The following SULT4A1 variants were observed in gnomAD, a reference collection of about 807,000 sequenced individuals.
SULT4A1 encodes sulfotransferase 4A1.
SULT4A1 carries 11 observed loss-of-function variants against 35.2 expected under a neutral mutation model. That is an observed-to-expected ratio of 0.31 (90% CI 0.20 to 0.52). SULT4A1 has a LOEUF of 0.52. Among genes scored for constraint, SULT4A1 ranks in the 20% least tolerant of loss-of-function variants. SULT4A1 has a pLI of 0.97. For synonymous variants in SULT4A1, 152 were observed against 151.8 expected (o/e 1.00, Z -0.01); for missense variants, 271 against 383.7 (o/e 0.71, Z 2.45).
intron 4 of SULT4A1, 22 bp from the exon 5 acceptor site, chr22:43,833,756 T>C (rs1414770657): frequency 6.4e-7 from 1 of 1,553,848 alleles, no homozygotes; most frequent in African/African-American, 1.4e-5. Flanking sequence ...GGGGACAGGG[T>C]GAGCCACACG....
At chr22:43,839,836 A>G (rs1569503645) in intron 3 of SULT4A1, 109 bp downstream of exon 3, 17 of 1,032,336 alleles carry the variant, frequency 1.6e-5, no homozygotes, top group East Asian at 2.6e-5. Context: ...TTGGGAAGAC[A>G]GCCCCCAAGG....
chr22:43,840,430 A>T (rs1385000579), intron 2 of SULT4A1, among the ~76,000 whole-genome samples: 1 of 152,014 alleles, frequency 6.6e-6, no homozygotes, highest in African/African-American at 2.4e-5. Flanking sequence ...TGAGACAAAG[A>T]TTGGAGACAT....
At chr22:43,859,525 C>T (rs1246790442) in intron 1 of SULT4A1, among the ~76,000 whole-genome samples, 1 of 152,256 alleles carries the variant, frequency 6.6e-6, no homozygotes, top group Non-Finnish European at 1.5e-5. Context: ...GTTGACAAAA[C>T]CAGTGGCAGT....
chr22:43,857,116 A>C (rs1354476404), intron 1 of SULT4A1, among the ~76,000 whole-genome samples: 1 of 152,222 alleles, frequency 6.6e-6, no homozygotes, highest in Non-Finnish European at 1.5e-5. Flanking sequence ...TGGAAATGCT[A>C]GAGGGAAAAA....
At chr22:43,838,764 G>A in intron 4 of SULT4A1, 103 bp downstream of exon 4, 8 of 1,515,000 alleles carry the variant, frequency 5.3e-6, no homozygotes, top group Admixed American at 1.8e-5. Context: ...CATGGTCACT[G>A]TCAGAACTGG....
intron 1 of SULT4A1, among the ~76,000 whole-genome samples, chr22:43,857,918 C>T (rs1422016768): frequency 4.6e-5 from 7 of 151,658 alleles, no homozygotes; most frequent in African/African-American, 1.2e-4. Context: ...GGTGTGGTGG[C>T]GCACACCTGC....
Position 43,826,079 on chromosome 22 carries a change from G to A in SULT4A1, c.777C>T (p.Val259=). ...CCAAGTCAAACTTCTCATTCATGGA[G>A]ACGGTGAAGATGTCCTTCCACAGCC... The part of the protein sequence containing the change: ...RVGLWKDIFT[V]SMNEKFDLVY... Residue 259 remains valine (V), a synonymous_variant, in exon 7 of 7, where the codon GTC becomes GTT. Transcript: ENST00000330884. 1 of 1,614,210 alleles carries A rather than the reference G, an allele frequency of 6.2e-7. No individual in the cohort carries two copies. Among genetic ancestry groups the A allele is most frequent in the Non-Finnish European group, 8.5e-7 (1 of 1,180,040 alleles).
chr22:43,850,412 T>C (rs1240684162), intron 1 of SULT4A1, among the ~76,000 whole-genome samples: 1 of 152,238 alleles, frequency 6.6e-6, no homozygotes, highest in African/African-American at 2.4e-5. Context: ...CATGTAGTGA[T>C]TACATTTCCT....
Position 43,862,440 on chromosome 22 carries a change from C to T in SULT4A1, c.-58G>A. ...CCGGCTCGCAGCCCGCACGCGCCCG[C>T]GCCCGCGCCCGCGCCCGCGCCCCGC... On this transcript the variant is annotated 5_prime_UTR_variant, in exon 1 of 7. Transcript: ENST00000330884. 1.1e-6 allele frequency: 1 copy of T among 944,016 alleles called. No individual in the cohort carries two copies. Among genetic ancestry groups the T allele is most frequent in the African/African-American group, 1.8e-5 (1 of 54,138 alleles). 58.5% of individuals were successfully genotyped at this position (944,016 alleles called of 1,614,324 possible).
intron 1 of SULT4A1, among the ~76,000 whole-genome samples, chr22:43,861,205 C>A (rs1426912603): frequency 2.0e-5 from 3 of 152,182 alleles, no homozygotes; most frequent in Non-Finnish European, 1.5e-5. Flanking sequence ...CAGAGACCTG[C>A]CCTCAGGTGT....
chr22:43,831,145 C>T (rs112497718), intron 5 of SULT4A1, among the ~76,000 whole-genome samples: 2,444 of 152,160 alleles, frequency 0.016, 29 homozygotes, highest in Middle Eastern at 0.024. Context: ...AGCAACAGGT[C>T]TGACCACTTT....
chr22:43,858,471 G>A (rs2049428343), intron 1 of SULT4A1, among the ~76,000 whole-genome samples: 1 of 152,184 alleles, frequency 6.6e-6, no homozygotes, highest in African/African-American at 2.4e-5. Flanking sequence ...GGAAGACAAA[G>A]GGGAAGGGAT....
chr22:43,841,790 G>A lies in SULT4A1; in HGVS notation c.300+12C>T, dbSNP rs757721126. The A allele has an allele frequency of 1.9e-6, 3 of 1,610,962 alleles. No individual in the cohort carries two copies. The South Asian group carries it at 3.3e-5, about 18-fold the overall frequency. On this transcript the variant is annotated intron_variant, in intron 2 of 6. Transcript: ENST00000330884. The stretch of plus-strand genomic sequence containing the variant: ...AAGAGGTGCTGGGACAGGTGCTGCT[G>A]GCCCTGGGTACCTTGATGATGTCCA...
At chr22:43,835,614 C>T (rs2063364629) in intron 4 of SULT4A1, among the ~76,000 whole-genome samples, 2 of 152,140 alleles carry the variant, frequency 1.3e-5, no homozygotes, top group Non-Finnish European at 1.5e-5. Flanking sequence ...ACAGGGAAGC[C>T]CAAGTGGCCC....
chr22:43,826,620 G>C (rs2063288785), intron 6 of SULT4A1: 1 of 985,080 alleles, frequency 1.0e-6, no homozygotes, highest in Non-Finnish European at 1.2e-6. Flanking sequence ...GGGAGAATTT[G>C]AAAAGGAAAA....
Position 43,825,956 on chromosome 22 carries a change from T to G in SULT4A1, c.*45A>C, listed in dbSNP as rs1432398313. The G allele has an allele frequency of 9.5e-6, 15 of 1,583,152 alleles. No individual in the cohort carries two copies. Among genetic ancestry groups the G allele is most frequent in the African/African-American group, 1.4e-5 (1 of 73,998 alleles). On this transcript the variant is annotated 3_prime_UTR_variant, in exon 7 of 7. Transcript: ENST00000330884. ...GAATGCATACAGGACTTTTGGCTAG[T>G]AGACTGTCTGGGTATTGTGAGCATG...
chr22:43,827,518 T>C lies in SULT4A1; in HGVS notation c.743-1405A>G. On this transcript the variant is annotated intron_variant, in intron 6 of 6. Coordinates refer to ENST00000330884, the MANE Select transcript of SULT4A1 (RefSeq NM_014351.4). Reference sequence around the variant, plus strand: ...CTCGTCAGAGGAGTCACCCACCTGGTTTAGGATTTGGAATCAAGACAATTT... The same window carrying C: ...CTCGTCAGAGGAGTCACCCACCTGGCTTAGGATTTGGAATCAAGACAATTT... 3 of 1,348,410 alleles carry C rather than the reference T, an allele frequency of 2.2e-6. No individual in the cohort carries two copies. The South Asian group carries it at 3.5e-5, about 16-fold the overall frequency. 83.5% of individuals were successfully genotyped at this position (1,348,410 alleles called of 1,614,324 possible). A position where few individuals can be genotyped will look rare whatever the true frequency, so the allele number is the denominator to read the frequency against.
intron 6 of SULT4A1, chr22:43,827,763 A>ACG: frequency 2.3e-6 from 1 of 443,242 alleles, no homozygotes; most frequent in South Asian, 2.0e-5. Flanking sequence ...CACCACACAC[A>ACG]CACACACACA....
In SULT4A1 at chr22:43,829,195, G is replaced by A. The variant is rs1469740985; in HGVS notation, c.607C>T (p.Leu203=). 1.3e-6 allele frequency: 2 copies of A among 1,559,786 alleles called. No homozygotes were observed. Among genetic ancestry groups the A allele is most frequent in the Admixed American group, 3.8e-5 (2 of 52,932 alleles). ...FLKYEDMHRD[L]VTMVEQLARF... ...GCCAGCTGCTCCACCATCGTCACCA[G>A]GTCCTGGAAGACAAGTGCAGAGAGC... The change falls in exon 6 of 7, where the codon CTG becomes TTG. Residue 203 remains leucine, a synonymous_variant. Coordinates refer to ENST00000330884, the MANE Select transcript of SULT4A1 (RefSeq NM_014351.4).
Sources: allele counts gnomAD v4.1 joint callset (sites outside exome capture counted in the v4.1 genomes callset), GRCh38; gene constraint gnomAD v4.1.1; transcripts MANE v1.5; gene names NCBI Gene and HGNC (gene_info 2026-07-23, HGNC 2026-07-21).